Variants in L3MBTL4 observed in about 807,000 individuals in gnomAD.
L3MBTL4 encodes the protein lethal(3)malignant brain tumor-like protein 4.
Under a neutral mutation model 84.5 loss-of-function variants are expected in L3MBTL4, and 70 were observed. The ratio of observed to expected loss-of-function variants is 0.83; its 90% CI spans 0.68 to 1.01. The LOEUF is 1.01. L3MBTL4 is among the 50% of genes least tolerant of loss of function. The probability of loss-of-function intolerance (pLI) is 0.00; values close to 1 mark genes in which losing one functional copy is unlikely to be tolerated. For missense variants in L3MBTL4, 715 were observed against 754.8 expected, an observed-to-expected ratio of 0.95 and a Z score of 0.62; for synonymous variants, 274 against 259.8, an observed-to-expected ratio of 1.05 and a Z score of -0.52.
intron 15 of L3MBTL4, among the ~76,000 whole-genome samples, chr18:6,092,031 G>A (rs1311557810): frequency 2.6e-5 from 4 of 152,098 alleles, no homozygotes; most frequent in East Asian, 1.9e-4. Context: ...AAAGAACAAC[G>A]AGACCCTGTG....
At chr18:6,021,404 T>C (rs1326514745) in intron 16 of L3MBTL4, among the ~76,000 whole-genome samples, 1 of 152,196 alleles carries the variant, frequency 6.6e-6, no homozygotes, top group African/African-American at 2.4e-5. Flanking sequence ...AGCATAAAGC[T>C]TGGTGAAGAA....
chr18:6,337,032 G>T (rs945406878), intron 1 of L3MBTL4, among the ~76,000 whole-genome samples: 2 of 152,090 alleles, frequency 1.3e-5, no homozygotes, highest in African/African-American at 4.8e-5. Context: ...TTGATGGATG[G>T]GTTTAACGAC....
In L3MBTL4 at chr18:6,048,826, C is replaced by T. The variant is rs116368917; in HGVS notation, c.1444+32055G>A. 3.7e-3 allele frequency among the ~76,000 whole-genome samples: 560 copies of T among 150,868 alleles called. 5 individuals are homozygous for T. The highest frequency in any genetic ancestry group is 0.013 in the African/African-American group (530 of 41,058). Reference sequence around the variant, plus strand: ...AATCCCAAACAGCATGGTACTGGTACAGTGTATACCTCCAGCCATGTGATC... The same window carrying T: ...AATCCCAAACAGCATGGTACTGGTATAGTGTATACCTCCAGCCATGTGATC... On this transcript the variant is annotated intron_variant, in intron 16 of 18. Transcript: ENST00000317931.
At chr18:6,328,718 C>T (rs575478525) in intron 1 of L3MBTL4, among the ~76,000 whole-genome samples, 12 of 152,244 alleles carry the variant, frequency 7.9e-5, no homozygotes, top group East Asian at 1.9e-4. Context: ...ACTAGTACCA[C>T]GGAAACTTTT....
intron 1 of L3MBTL4, among the ~76,000 whole-genome samples, chr18:6,346,103 A>AATATATATATATATATATATAT (rs34294575): frequency 6.9e-5 from 9 of 129,816 alleles, no homozygotes; most frequent in African/African-American, 2.5e-4. Flanking sequence ...ATGATGTTGG[A>AATATATATATATATATATATAT]ATATATATAT....
At chr18:6,238,512 A>G (rs2047313816) in intron 9 of L3MBTL4, among the ~76,000 whole-genome samples, 2 of 152,130 alleles carry the variant, frequency 1.3e-5, no homozygotes, top group African/African-American at 2.4e-5. Flanking sequence ...CAGCCTGGGC[A>G]ACAGAGCGAG....
chr18:6,355,894 C>T (rs560514579), intron 1 of L3MBTL4, among the ~76,000 whole-genome samples: 4 of 151,732 alleles, frequency 2.6e-5, no homozygotes, highest in South Asian at 2.1e-4. Flanking sequence ...ACCATGTGCA[C>T]GATAAGTGAT....
chr18:6,146,912 T>A (rs2042680077), intron 13 of L3MBTL4, among the ~76,000 whole-genome samples: 1 of 151,638 alleles, frequency 6.6e-6, no homozygotes, highest in African/African-American at 2.4e-5. Context: ...GCAAAACCTA[T>A]GTGTGCAGAT....
intron 16 of L3MBTL4, among the ~76,000 whole-genome samples, chr18:6,052,966 C>T (rs904898447): frequency 4.6e-5 from 7 of 152,304 alleles, no homozygotes; most frequent in South Asian, 4.1e-4. Flanking sequence ...TCCAGCAGGA[C>T]GTCCCGTTAA....
chr18:5,996,808 C>A lies in L3MBTL4; in HGVS notation c.1445-27246G>T, dbSNP rs933721946. On this transcript the variant is annotated intron_variant, in intron 16 of 18. Coordinates refer to ENST00000317931, the MANE Select transcript of L3MBTL4 (RefSeq NM_001330559.2). ...GCAGCAGGAGTTTCTTTATAAGGGG[C>A]AGGACTTAAGCCCTATTTAGATACT... Among the ~76,000 whole-genome samples, 5 of 152,130 alleles carry A rather than the reference C, an allele frequency of 3.3e-5. No homozygotes were observed. The East Asian group carries it at 9.6e-4, about 29-fold the overall frequency.
At chr18:6,290,140 T>C (rs1260381326) in intron 4 of L3MBTL4, among the ~76,000 whole-genome samples, 1 of 152,102 alleles carries the variant, frequency 6.6e-6, no homozygotes, top group Non-Finnish European at 1.5e-5. Context: ...CAGGCTGATC[T>C]CCTGGGCTCA....
intron 16 of L3MBTL4, among the ~76,000 whole-genome samples, chr18:6,060,400 T>C (rs1598601228): frequency 6.6e-6 from 1 of 152,018 alleles, no homozygotes; most frequent in East Asian, 1.9e-4. Flanking sequence ...GCTTTTTTTT[T>C]TTTCTTTTTA....
chr18:6,399,522 G>A (rs1026851932), intron 1 of L3MBTL4, among the ~76,000 whole-genome samples: 1 of 152,156 alleles, frequency 6.6e-6, no homozygotes, highest in African/African-American at 2.4e-5. Context: ...TAACTGCATA[G>A]TAATTGTCAG....
chr18:6,234,036 T>C (rs1020481414), intron 10 of L3MBTL4, among the ~76,000 whole-genome samples: 11 of 152,176 alleles, frequency 7.2e-5, no homozygotes, highest in Admixed American at 2.6e-4. Context: ...ATCTGATCTT[T>C]GACAAACCTG....
intron 14 of L3MBTL4, among the ~76,000 whole-genome samples, chr18:6,122,133 G>A (rs190090505): frequency 6.6e-6 from 1 of 152,168 alleles, no homozygotes; most frequent in East Asian, 1.9e-4. Context: ...ACATCACAGG[G>A]CTGCTCTGTG....
chr18:5,999,242 A>G (rs2054114128), intron 16 of L3MBTL4, among the ~76,000 whole-genome samples: 1 of 152,194 alleles, frequency 6.6e-6, no homozygotes, highest in Admixed American at 6.5e-5. Flanking sequence ...ATATTTATTG[A>G]AATTCCACCC....
chr18:6,253,524 A>G lies in L3MBTL4; in HGVS notation c.220-8936T>C, dbSNP rs80017524. ...GTGCCTGATGCCTGGCTGGAGGCAG[A>G]GGACAAGGGAGGCAGAGGATTTTAA... On this transcript the variant is annotated intron_variant, in intron 5 of 18. Transcript: ENST00000317931. Among the ~76,000 whole-genome samples the G allele has an allele frequency of 3.4e-4, 52 of 152,342 alleles. No individual in the cohort carries two copies. The East Asian group carries it at 8.9e-3, about 26-fold the overall frequency.
rs151188150 is a variant in L3MBTL4 at position 5,987,818 on chromosome 18, C to T, written c.1445-18256G>A. The stretch of plus-strand genomic sequence containing the variant: ...AACTGGGACATTCAAATCTATTATG[C>T]CAATATTTTCTCTGGCAAGAGATTG... On this transcript the variant is annotated intron_variant, in intron 16 of 18. Transcript: ENST00000317931. Among the ~76,000 whole-genome samples the T allele has an allele frequency of 2.5e-3, 373 of 151,876 alleles. 1 individual carries two copies. The highest frequency in any genetic ancestry group is 8.7e-3 in the African/African-American group (359 of 41,404).
At chr18:6,383,254 G>C (rs2054674267) in intron 1 of L3MBTL4, among the ~76,000 whole-genome samples, 1 of 152,234 alleles carries the variant, frequency 6.6e-6, no homozygotes, top group Middle Eastern at 3.4e-3. Flanking sequence ...GGCTCCGTGG[G>C]GGTAGGACCT....
Sources: allele counts gnomAD v4.1 joint callset (sites outside exome capture counted in the v4.1 genomes callset), GRCh38; gene constraint gnomAD v4.1.1; transcripts MANE v1.5; gene names NCBI Gene and HGNC (gene_info 2026-07-23, HGNC 2026-07-21).